The following PCSK9 variants were observed in gnomAD, a reference collection of about 807,000 sequenced individuals.
PCSK9 encodes the protein proprotein convertase subtilisin/kexin type 9.
Under a neutral mutation model 62.1 loss-of-function variants are expected in PCSK9, and 57 were observed. The ratio of observed to expected loss-of-function variants is 0.92; its 90% CI spans 0.74 to 1.14. The LOEUF is 1.14. Among genes scored for constraint, PCSK9 ranks in the 50% most tolerant of loss-of-function variants. PCSK9 has a pLI of 0.00. For missense variants in PCSK9, 870 were observed against 959.8 expected (o/e 0.91, Z 1.24); for synonymous variants, 387 against 409.4 (o/e 0.95, Z 0.66).
At chr1:55,063,217 GAGAT>G in intron 11 of PCSK9, 148 bp from the exon 12 acceptor site, 3 of 778,014 alleles carry the variant, frequency 3.9e-6, no homozygotes, top group Non-Finnish European at 6.5e-6. Flanking sequence ...TGCGGGGTGG[GAGAT>G]ACACGGTTGT....
rs1365723695 is a variant in PCSK9 at position 55,058,178 on chromosome 1, G to A, written c.1323G>A (p.Val441=). 2.5e-6 allele frequency: 4 copies of A among 1,613,266 alleles called. No homozygotes were observed. The highest frequency in any genetic ancestry group is 3.3e-5 in the Admixed American group (2 of 60,010). ...EDQRVLTPNL[V]AALPPSTHGA... The stretch of plus-strand genomic sequence containing the variant: ...AGCGGGTACTGACCCCCAACCTGGT[G>A]GCCGCCCTGCCCCCCAGCACCCATG... The change falls in exon 8 of 12, where the codon GTG becomes GTA. Residue 441 remains valine, a synonymous_variant. Transcript: ENST00000302118.
At chr1:55,047,608 G>T (rs766028813) in intron 3 of PCSK9, among the ~76,000 whole-genome samples, 9 of 152,240 alleles carry the variant, frequency 5.9e-5, no homozygotes, top group Non-Finnish European at 1.0e-4. Context: ...GAAGTGAAAA[G>T]TTGGGGGGCT....
At chr1:55,058,426 C>T in intron 8 of PCSK9, 73 bp from the exon 9 acceptor site, 2 of 1,602,858 alleles carry the variant, frequency 1.2e-6, no homozygotes, top group Non-Finnish European at 8.5e-7. Context: ...CTCTCTCCTA[C>T]CATGAACTAA....
In PCSK9 at chr1:55,039,792, G is replaced by A. The variant is rs563114423; in HGVS notation, c.-46G>A. 6 of 1,564,868 alleles carry A rather than the reference G, an allele frequency of 3.8e-6. No individual in the cohort carries two copies. Among genetic ancestry groups the A allele is most frequent in the East Asian group, 4.6e-5 (2 of 43,136 alleles). On this transcript the variant is annotated 5_prime_UTR_variant, in exon 1 of 12. Coordinates refer to ENST00000302118, the MANE Select transcript of PCSK9 (RefSeq NM_174936.4). Reference sequence around the variant, plus strand: ...GCGCCGCCGGCGTGGACCGCGCACGGCCTCTAGGTCTCCTCGCCAGGACAG... The same window carrying A: ...GCGCCGCCGGCGTGGACCGCGCACGACCTCTAGGTCTCCTCGCCAGGACAG...
intron 11 of PCSK9, among the ~76,000 whole-genome samples, chr1:55,062,794 G>A (rs184297608): frequency 9.3e-4 from 141 of 152,308 alleles, no homozygotes; most frequent in Middle Eastern, 3.4e-3. Flanking sequence ...GCCATGCAGG[G>A]GTCTGGCCTC....
In PCSK9 at chr1:55,043,702, C is replaced by T. The variant is rs72658889; in HGVS notation, c.208-141C>T. ...GAGTTCTTTAATTTGCTTTTTGGTC[C>T]GCATTTGGTAACTTCTTTATCATCT... On this transcript the variant is annotated intron_variant, in intron 1 of 11. Coordinates refer to ENST00000302118, the MANE Select transcript of PCSK9 (RefSeq NM_174936.4). 1,148 of 988,276 alleles carry T rather than the reference C, an allele frequency of 1.2e-3. 6 individuals carry two copies. Among genetic ancestry groups the T allele is most frequent in the South Asian group, 3.4e-3 (224 of 65,714 alleles). The allele number at this position is 988,276 out of a possible 1,614,324, so 61.2% of individuals were successfully genotyped here. A position where few individuals can be genotyped will look rare whatever the true frequency, so the allele number is the denominator to read the frequency against.
chr1:55,043,120 C>T (rs891075305), intron 1 of PCSK9, among the ~76,000 whole-genome samples: 1 of 152,222 alleles, frequency 6.6e-6, no homozygotes, highest in African/African-American at 2.4e-5. Flanking sequence ...GAATCATGAG[C>T]TGAATAAATC....
rs527315756 is a variant in PCSK9, at chr1:55,052,424, G to A, written c.657+13G>A. 5.0e-6 allele frequency: 8 copies of A among 1,613,622 alleles called. No homozygotes were observed. Among genetic ancestry groups the A allele is most frequent in the Middle Eastern group, 1.7e-4 (1 of 6,060 alleles). On this transcript the variant is annotated intron_variant, in intron 4 of 11. Coordinates refer to ENST00000302118, the MANE Select transcript of PCSK9 (RefSeq NM_174936.4). ...CTTCCACAGACAGGTAAGCACGGCC[G>A]TCTGATGGGAGGGCTGCCTCTGCCC...
In PCSK9 at chr1:55,064,459, TCTTA is replaced by T. The variant is rs1469571787; in HGVS notation, c.*879_*882del. 1.3e-5 allele frequency: 2 copies of T among 152,252 alleles called. No individual in the cohort carries two copies. Among genetic ancestry groups the T allele is most frequent in the African/African-American group, 4.8e-5 (2 of 41,452 alleles). The allele number at this position is 152,252 out of a possible 1,614,324, so 9.4% of individuals were successfully genotyped here. A position where few individuals can be genotyped will look rare whatever the true frequency, so the allele number is the denominator to read the frequency against. Reference sequence around the variant, plus strand: ...GGGCTGGCTCTGAAGCCAAGCCTCTTCTTACTTCACCCGGCTGGGCTCCTCATTT... The same window carrying T: ...GGGCTGGCTCTGAAGCCAAGCCTCTTCTTCACCCGGCTGGGCTCCTCATTT... On this transcript the variant is annotated 3_prime_UTR_variant, in exon 12 of 12. Transcript: ENST00000302118.
At chr1:55,062,566 G>T (rs1644767964) in intron 11 of PCSK9, among the ~76,000 whole-genome samples, 1 of 152,376 alleles carries the variant, frequency 6.6e-6, no homozygotes, top group African/African-American at 2.4e-5. Flanking sequence ...AGGGAATGGG[G>T]TGGGAGAGAG....
In PCSK9 at chr1:55,046,535, C is replaced by T. The variant is rs780564433; in HGVS notation, c.412C>T (p.Pro138Ser). ...GDLLELALKL[P>S]HVDYIEEDSS... ...CTGGCTTCTGCAGGCCTTGAAGTTG[C>T]CCCATGTCGACTACATCGAGGAGGA... Residue 138 changes from proline to serine, a missense_variant, in exon 3 of 12, where the codon CCC becomes TCC. Physicochemically the swap from Pro to Ser is moderately conservative, Grantham distance 74 (BLOSUM62 -1). Coordinates refer to ENST00000302118, the MANE Select transcript of PCSK9 (RefSeq NM_174936.4). 8.1e-6 allele frequency: 13 copies of T among 1,614,146 alleles called. No individual in the cohort carries two copies. Among genetic ancestry groups the T allele is most frequent in the South Asian group, 1.1e-5 (1 of 91,074 alleles).
At chr1:55,049,458 A>G (rs1644658203) in intron 3 of PCSK9, among the ~76,000 whole-genome samples, 1 of 152,196 alleles carries the variant, frequency 6.6e-6, no homozygotes, top group African/African-American at 2.4e-5. Context: ...GAGGCCACAG[A>G]GCTTTCCAGA....
chr1:55,058,700 T>TCA, intron 9 of PCSK9, 53 bp downstream of exon 9: 1 of 1,443,786 alleles, frequency 6.9e-7, no homozygotes, highest in East Asian at 2.7e-5. Context: ...TGTGTGTGTG[T>TCA]GTGTGTGTGT....
intron 1 of PCSK9, among the ~76,000 whole-genome samples, chr1:55,041,589 A>G (rs942531404): frequency 6.6e-6 from 1 of 152,108 alleles, no homozygotes; most frequent in South Asian, 2.1e-4. Flanking sequence ...CATTCATTCA[A>G]TGGTTATTTT....
rs1380965635 is a variant in PCSK9 at position 55,052,911 on chromosome 1, G to A, written c.799+120G>A. Reference sequence around the variant, plus strand: ...CAAGAATGCTGTGGCAGCCTCTGCCGCAGAGCCAGAGAACCAGAGTGCCAA... The same window carrying A: ...CAAGAATGCTGTGGCAGCCTCTGCCACAGAGCCAGAGAACCAGAGTGCCAA... On this transcript the variant is annotated intron_variant, in intron 5 of 11. Transcript: ENST00000302118. 22 of 1,499,298 alleles carry A rather than the reference G, an allele frequency of 1.5e-5. 1 individual carries two copies. The highest frequency in any genetic ancestry group is 1.1e-4 in the South Asian group (9 of 83,680). The allele number at this position is 1,499,298 out of a possible 1,614,324, so 92.9% of individuals were successfully genotyped here. A position where few individuals can be genotyped will look rare whatever the true frequency, so the allele number is the denominator to read the frequency against.
In PCSK9 at chr1:55,062,592, G is replaced by A. The variant is rs576035975; in HGVS notation, c.1864-777G>A. ...TGGGAGAGAGGTCAGGAGAGGTCTC[G>A]CTGACAAGGTGGACGAAACAGGCCA... On this transcript the variant is annotated intron_variant, in intron 11 of 11. Transcript: ENST00000302118. 8.1e-4 allele frequency among the ~76,000 whole-genome samples: 123 copies of A among 152,254 alleles called. No homozygotes were observed. The Middle Eastern group carries it at 0.02, about 25-fold the overall frequency.
At chr1:55,063,311 T>G in intron 11 of PCSK9, 58 bp from the exon 12 acceptor site, 2 of 1,548,518 alleles carry the variant, frequency 1.3e-6, no homozygotes, top group South Asian at 2.3e-5. Flanking sequence ...AAATGAAGTG[T>G]GGGTGGGGGT....
intron 1 of PCSK9, among the ~76,000 whole-genome samples, chr1:55,041,840 G>A (rs778033635): frequency 6.6e-6 from 1 of 152,170 alleles, no homozygotes; most frequent in South Asian, 2.1e-4. Flanking sequence ...GGAGTTCAGC[G>A]ATGATGGTGT....
chr1:55,039,646 G>A lies in PCSK9; in HGVS notation c.-192G>A. The A allele has an allele frequency of 1.5e-6, 1 of 676,748 alleles. No individual in the cohort carries two copies. The highest frequency in any genetic ancestry group is 2.5e-6 in the Non-Finnish European group (1 of 401,502). 41.9% of individuals were successfully genotyped at this position (676,748 alleles called of 1,614,324 possible). On this transcript the variant is annotated 5_prime_UTR_variant, in exon 1 of 12. Transcript: ENST00000302118. The stretch of plus-strand genomic sequence containing the variant: ...CCAGGCAGTGAGACTGGCTCGGGCG[G>A]GCCGGGACGCGTCGTTGCAGCAGCG...
Sources: allele counts gnomAD v4.1 joint callset (sites outside exome capture counted in the v4.1 genomes callset), GRCh38; gene constraint gnomAD v4.1.1; transcripts MANE v1.5; gene names NCBI Gene and HGNC (gene_info 2026-07-23, HGNC 2026-07-21).